MAP7: variants seen among roughly 807,000 people sequenced by gnomAD.
MAP7 encodes the protein microtubule associated protein 7.
A neutral mutation model predicts 94.8 loss-of-function variants in MAP7; 52 were observed. The observed-to-expected ratio is 0.55, with a 90% CI of 0.44 to 0.69. The LOEUF (loss-of-function observed/expected upper bound fraction) is 0.69, where lower values mean the gene tolerates loss of function less well. Among genes scored for constraint, MAP7 ranks in the 30% least tolerant of loss-of-function variants. The pLI is 0.00. For missense variants in MAP7, 940 were observed against 964.6 expected, an observed-to-expected ratio of 0.97 and a Z score of 0.34; for synonymous variants, 350 against 357.0, an observed-to-expected ratio of 0.98 and a Z score of 0.22.
intron 8 of MAP7, among the ~76,000 whole-genome samples, chr6:136,367,769 T>G (rs1355232305): frequency 6.6e-6 from 1 of 152,154 alleles, no homozygotes; most frequent in Non-Finnish European, 1.5e-5. Flanking sequence ...CTGTGGGCTT[T>G]GGGTATCAAA....
chr6:136,420,474 T>C (rs1790947350), intron 2 of MAP7: 7 of 427,312 alleles, frequency 1.6e-5, no homozygotes, highest in Non-Finnish European at 3.0e-5. Flanking sequence ...AGAGACACAC[T>C]TGAATACAAA....
chr6:136,362,906 C>T (rs1281025140), intron 10 of MAP7, among the ~76,000 whole-genome samples: 1 of 152,148 alleles, frequency 6.6e-6, no homozygotes, highest in Non-Finnish European at 1.5e-5. Flanking sequence ...GTAAGTAAGA[C>T]ATCCAACAAA....
At chr6:136,474,073 G>T (rs1033017663) in intron 1 of MAP7, among the ~76,000 whole-genome samples, 2 of 152,108 alleles carry the variant, frequency 1.3e-5, no homozygotes, top group Non-Finnish European at 2.9e-5. Flanking sequence ...CAAAAGCCAA[G>T]AAATGAGTGC....
intron 10 of MAP7, among the ~76,000 whole-genome samples, chr6:136,365,320 AG>A (rs747238155): frequency 2.0e-5 from 3 of 152,226 alleles, no homozygotes; most frequent in East Asian, 3.8e-4. Flanking sequence ...AGTCTTAAGT[AG>A]AAAACTTTGG....
chr6:136,390,408 T>A (rs1350154286), intron 3 of MAP7, among the ~76,000 whole-genome samples: 2 of 152,124 alleles, frequency 1.3e-5, no homozygotes, highest in Non-Finnish European at 2.9e-5. Flanking sequence ...ATCCCAGCAC[T>A]TTGGGAGGCT....
At chr6:136,402,072 T>G (rs983355461) in intron 3 of MAP7, among the ~76,000 whole-genome samples, 4 of 152,180 alleles carry the variant, frequency 2.6e-5, no homozygotes, top group African/African-American at 9.7e-5. Flanking sequence ...ATCATGCATC[T>G]TCACACACAC....
chr6:136,549,696 T>A (rs1445499422), intron 1 of MAP7, among the ~76,000 whole-genome samples: 1 of 152,126 alleles, frequency 6.6e-6, no homozygotes, highest in Non-Finnish European at 1.5e-5. Context: ...CTCCGACAAG[T>A]CAACGAAAGT....
At position 136,426,051 on chromosome 6, in the gene MAP7, C is replaced by T. The variant is rs552820568; in HGVS notation, c.68-4252G>A. ...GAGCTTCTGATTCCTCCAATACTAT[C>T]TCCTCTCTTCAAAAATCATCTCCTA... On this transcript the variant is annotated intron_variant, in intron 1 of 17. Transcript: ENST00000354570. Among the ~76,000 whole-genome samples the T allele has an allele frequency of 1.1e-4, 16 of 152,280 alleles. No homozygotes were observed. The South Asian group carries it at 3.3e-3, about 32-fold the overall frequency.
At chr6:136,383,205 T>A (rs995452163) in intron 6 of MAP7, among the ~76,000 whole-genome samples, 3 of 152,166 alleles carry the variant, frequency 2.0e-5, no homozygotes, top group African/African-American at 4.8e-5. Flanking sequence ...AAGAAATAAT[T>A]TGGTTAAATG....
intron 2 of MAP7, among the ~76,000 whole-genome samples, chr6:136,414,752 T>C (rs1439234067): frequency 6.6e-6 from 1 of 151,488 alleles, no homozygotes; most frequent in Non-Finnish European, 1.5e-5. Flanking sequence ...AGCCATCCTC[T>C]TACCTCAGCC....
chr6:136,461,884 T>C (rs1278384837), intron 1 of MAP7, among the ~76,000 whole-genome samples: 1 of 152,224 alleles, frequency 6.6e-6, no homozygotes, highest in East Asian at 1.9e-4. Context: ...CTCCTATTTA[T>C]GCTAAGTAGT....
intron 1 of MAP7, among the ~76,000 whole-genome samples, chr6:136,528,351 T>C (rs886469443): frequency 6.6e-6 from 1 of 152,248 alleles, no homozygotes. Flanking sequence ...ACTTTTATTC[T>C]TGAATGAGAC....
intron 1 of MAP7, among the ~76,000 whole-genome samples, chr6:136,478,466 G>A (rs57295330): frequency 2.0e-5 from 3 of 151,774 alleles, no homozygotes; most frequent in African/African-American, 7.2e-5. Flanking sequence ...CAAACAAAAA[G>A]AGAAACATAA....
intron 1 of MAP7, among the ~76,000 whole-genome samples, chr6:136,457,287 T>A (rs1178006070): frequency 5.4e-5 from 8 of 149,218 alleles, no homozygotes; most frequent in Admixed American, 4.7e-4. Flanking sequence ...CTTTAAATAG[T>A]AAAGAGATTG....
intron 8 of MAP7, among the ~76,000 whole-genome samples, chr6:136,372,247 C>T (rs1254317771): frequency 6.6e-6 from 1 of 152,164 alleles, no homozygotes; most frequent in African/African-American, 2.4e-5. Context: ...GGCGTCCACT[C>T]ATACATGCTT....
At chr6:136,346,569 C>T (rs1208460201) in intron 16 of MAP7, among the ~76,000 whole-genome samples, 1 of 151,970 alleles carries the variant, frequency 6.6e-6, no homozygotes, top group Non-Finnish European at 1.5e-5. Context: ...CTCTAAACAA[C>T]AACAAAAAAA....
chr6:136,454,656 G>A (rs1199857780), intron 1 of MAP7, among the ~76,000 whole-genome samples: 3 of 151,640 alleles, frequency 2.0e-5, no homozygotes, highest in East Asian at 4.0e-4. Context: ...TGAAATCCCA[G>A]CATTTTGGGA....
At chr6:136,503,162 A>T (rs1820301448) in intron 1 of MAP7, among the ~76,000 whole-genome samples, 1 of 152,198 alleles carries the variant, frequency 6.6e-6, no homozygotes, top group Non-Finnish European at 1.5e-5. Flanking sequence ...TTTTCAATAC[A>T]TGCTCTCCTC....
chr6:136,344,875 A>G (rs958776009), intron 17 of MAP7, among the ~76,000 whole-genome samples: 4 of 152,264 alleles, frequency 2.6e-5, no homozygotes. Flanking sequence ...CCGAATTAAA[A>G]GTTGATTTAT....
Sources: gnomAD v4.1 joint callset for allele counts (sites outside exome capture counted in the v4.1 genomes callset) on GRCh38, gnomAD v4.1.1 for gene constraint, MANE v1.5 for transcripts, NCBI Gene and HGNC (gene_info 2026-07-23, HGNC 2026-07-21) for gene names.